The following COL28A1 variants were observed in gnomAD, a reference collection of about 807,000 sequenced individuals.
COL28A1 encodes the protein collagen type XXVIII alpha 1 chain.
In COL28A1, 161 loss-of-function variants were observed where a neutral mutation model predicts 150.2. The observed-to-expected ratio is 1.07, with a 90% CI of 0.94 to 1.22. COL28A1 has a LOEUF of 1.22. Ranked by LOEUF, COL28A1 falls within the 50% of genes most tolerant of loss-of-function variation. The pLI is 0.00. For missense variants in COL28A1, 1,617 were observed against 1,388.3 expected, an observed-to-expected ratio of 1.16 and a Z score of -2.62; for synonymous variants, 552 against 469.7, an observed-to-expected ratio of 1.18 and a Z score of -2.26.
At chr7:7,501,839 G>C (rs1299714999) in intron 11 of COL28A1, among the ~76,000 whole-genome samples, 2 of 152,248 alleles carry the variant, frequency 1.3e-5, no homozygotes, top group South Asian at 2.1e-4. Flanking sequence ...CAGGGATAAG[G>C]CTTCTTGGGC....
chr7:7,426,990 C>T (rs1784675205), intron 25 of COL28A1, among the ~76,000 whole-genome samples: 1 of 152,136 alleles, frequency 6.6e-6, no homozygotes, highest in African/African-American at 2.4e-5. Context: ...TCAAAAATAA[C>T]AATATGTTTA....
At chr7:7,543,865 G>C in the COL28A1 span, among the ~76,000 whole-genome samples, 1 of 145,472 alleles carries the variant, frequency 6.9e-6, no homozygotes, top group African/African-American at 2.5e-5. Context: ...AAGGTGACAT[G>C]AGCCATCTTC....
chr7:7,457,505 T>A (rs1461701605), intron 15 of COL28A1, among the ~76,000 whole-genome samples: 3 of 151,994 alleles, frequency 2.0e-5, no homozygotes, highest in Non-Finnish European at 4.4e-5. Flanking sequence ...TAGTTTGAGA[T>A]CCCTAAAATG....
intron 3 of COL28A1, among the ~76,000 whole-genome samples, chr7:7,529,886 T>C (rs1782251150): frequency 6.6e-6 from 1 of 152,118 alleles, no homozygotes; most frequent in Admixed American, 6.5e-5. Context: ...CACTACAAAT[T>C]TCCCTTTCAT....
chr7:7,520,996 T>C (rs1781693521), intron 5 of COL28A1, among the ~76,000 whole-genome samples: 1 of 152,164 alleles, frequency 6.6e-6, no homozygotes, highest in South Asian at 2.1e-4. Context: ...TGAAAAATTG[T>C]AGGCTTTGGA....
At chr7:7,497,285 A>T (rs1436121532) in intron 11 of COL28A1, among the ~76,000 whole-genome samples, 1 of 152,200 alleles carries the variant, frequency 6.6e-6, no homozygotes, top group East Asian at 1.9e-4. Context: ...AGTTGTCAAA[A>T]TGCTTAACTA....
chr7:7,359,972 A>T (rs1361675164), intron 34 of COL28A1, among the ~76,000 whole-genome samples: 1 of 152,206 alleles, frequency 6.6e-6, no homozygotes, highest in East Asian at 1.9e-4. Flanking sequence ...AAATATGTTA[A>T]TGAATCAGAA....
At position 7,417,949 on chromosome 7, in the gene COL28A1, T is replaced by A. The variant is rs569887414; in HGVS notation, c.2068-22A>T. 1.1e-4 allele frequency: 173 copies of A among 1,589,202 alleles called. 1 individual carries two copies. Among genetic ancestry groups the A allele is most frequent in the Non-Finnish European group, 1.4e-4 (164 of 1,165,406 alleles). ...CACCCTGTTAGAAGATGGGGAGAAT[T>A]TGAAGACAAAATGTAAGAAGATCGA... is the stretch of plus-strand genomic sequence containing the variant. On this transcript the variant is annotated intron_variant, in intron 26 of 34. Transcript: ENST00000399429.
chr7:7,443,376 T>C (rs1785963950), intron 20 of COL28A1, among the ~76,000 whole-genome samples: 1 of 152,208 alleles, frequency 6.6e-6, no homozygotes, highest in African/African-American at 2.4e-5. Flanking sequence ...CTCTTCTCTA[T>C]GCTGGGTCTT....
intron 33 of COL28A1, among the ~76,000 whole-genome samples, chr7:7,362,926 C>A (rs1193296886): frequency 6.6e-6 from 1 of 152,026 alleles, no homozygotes; most frequent in Non-Finnish European, 1.5e-5. Flanking sequence ...AAACTCCTGG[C>A]TTCAAGTGAT....
At chr7:7,522,213 T>C in intron 4 of COL28A1, 1 of 490,114 alleles carries the variant, frequency 2.0e-6, no homozygotes, top group Non-Finnish European at 3.7e-6. Flanking sequence ...GCTAACAAAA[T>C]ATTATTAAAT....
At chr7:7,384,041 C>T (rs1019300104) in intron 27 of COL28A1, among the ~76,000 whole-genome samples, 1 of 152,088 alleles carries the variant, frequency 6.6e-6, no homozygotes, top group Admixed American at 6.6e-5. Context: ...CTCTAAGGTT[C>T]TTTTTATTCT....
intron 8 of COL28A1, among the ~76,000 whole-genome samples, chr7:7,511,501 C>G (rs1781133643): frequency 6.6e-6 from 1 of 152,176 alleles, no homozygotes; most frequent in Non-Finnish European, 1.5e-5. Context: ...CTTTATCATT[C>G]TTATTTTATA....
At chr7:7,444,602 G>C in intron 18 of COL28A1, 113 bp from the exon 19 acceptor site, 1 of 985,534 alleles carries the variant, frequency 1.0e-6, no homozygotes. Flanking sequence ...AATCTCATTA[G>C]CAATTAATAC....
intron 15 of COL28A1, among the ~76,000 whole-genome samples, chr7:7,461,049 C>T (rs947742254): frequency 2.6e-5 from 4 of 152,150 alleles, no homozygotes; most frequent in Non-Finnish European, 5.9e-5. Flanking sequence ...ATGGATTGCT[C>T]CTGCAGGACC....
intron 15 of COL28A1, among the ~76,000 whole-genome samples, chr7:7,471,496 C>T (rs938203921): frequency 6.6e-6 from 1 of 152,188 alleles, no homozygotes; most frequent in African/African-American, 2.4e-5. Flanking sequence ...CTGAATCCAA[C>T]AACGTATCAA....
At chr7:7,476,241 G>A (rs1788871740) in intron 14 of COL28A1, among the ~76,000 whole-genome samples, 1 of 152,154 alleles carries the variant, frequency 6.6e-6, no homozygotes, top group South Asian at 2.1e-4. Context: ...AATAAAGGAA[G>A]AAGGACTCCA....
chr7:7,476,168 C>G (rs1788864194), intron 14 of COL28A1, among the ~76,000 whole-genome samples: 1 of 152,102 alleles, frequency 6.6e-6, no homozygotes, highest in Non-Finnish European at 1.5e-5. Context: ...TAGAAAGCAG[C>G]ATGTACTTCT....
chr7:7,436,554 G>T, intron 22 of COL28A1, 91 bp from the exon 23 acceptor site: 1 of 800,712 alleles, frequency 1.2e-6, no homozygotes. Context: ...ACTCTGTAAA[G>T]AGCTTAATCT....
Sources: allele counts gnomAD v4.1 joint callset (sites outside exome capture counted in the v4.1 genomes callset), GRCh38; gene constraint gnomAD v4.1.1; transcripts MANE v1.5; gene names NCBI Gene and HGNC (gene_info 2026-07-23, HGNC 2026-07-21).